Variants in CNTNAP5 observed in about 807,000 individuals in gnomAD.
CNTNAP5 encodes contactin-associated protein-like 5.
CNTNAP5 carries 72 observed loss-of-function variants against 150.2 expected under a neutral mutation model. That is an observed-to-expected ratio of 0.48 (90% CI 0.40 to 0.58). CNTNAP5 has a LOEUF of 0.58. Ranked by LOEUF, CNTNAP5 falls within the 20% of genes least tolerant of loss-of-function variation. CNTNAP5 has a pLI of 0.00. For missense variants in CNTNAP5, 1,636 were observed against 1,626.2 expected (o/e 1.01, Z -0.10); for synonymous variants, 672 against 619.8 (o/e 1.08, Z -1.25).
intron 19 of CNTNAP5, among the ~76,000 whole-genome samples, chr2:124,812,578 G>A (rs1467181322): frequency 2.6e-5 from 4 of 152,072 alleles, no homozygotes; most frequent in African/African-American, 9.7e-5. Flanking sequence ...TCTAAATCCA[G>A]CCACCTGGAG....
At chr2:124,557,733 G>T (rs1442737979) in intron 10 of CNTNAP5, among the ~76,000 whole-genome samples, 1 of 152,126 alleles carries the variant, frequency 6.6e-6, no homozygotes. Flanking sequence ...AAACAATGAG[G>T]AAGGTTTGCA....
At chr2:124,395,361 C>T (rs1305136223) in intron 3 of CNTNAP5, among the ~76,000 whole-genome samples, 1 of 152,118 alleles carries the variant, frequency 6.6e-6, no homozygotes, top group Non-Finnish European at 1.5e-5. Context: ...CCCGAGTCCA[C>T]TGCGGGCAAC....
At chr2:124,554,501 G>A (rs1031279001) in intron 10 of CNTNAP5, among the ~76,000 whole-genome samples, 2 of 149,160 alleles carry the variant, frequency 1.3e-5, no homozygotes, top group Non-Finnish European at 3.0e-5. Flanking sequence ...GCCCACTGCA[G>A]CCATAAATTC....
intron 6 of CNTNAP5, among the ~76,000 whole-genome samples, chr2:124,473,859 T>G (rs2030843375): frequency 6.6e-6 from 1 of 152,044 alleles, no homozygotes; most frequent in Admixed American, 6.6e-5. Context: ...AAAGGCAATT[T>G]GTGTTAATAC....
chr2:124,285,812 C>T (rs1688135890), intron 3 of CNTNAP5, among the ~76,000 whole-genome samples: 2 of 151,670 alleles, frequency 1.3e-5, no homozygotes, highest in Admixed American at 1.3e-4. Context: ...GAAAAACAAA[C>T]AAACAAACAA....
At chr2:124,859,843 G>T (rs1041782830) in intron 19 of CNTNAP5, among the ~76,000 whole-genome samples, 7 of 152,034 alleles carry the variant, frequency 4.6e-5, no homozygotes, top group Non-Finnish European at 8.8e-5. Flanking sequence ...CTCACTCATA[G>T]GTGGGAATTG....
intron 20 of CNTNAP5, among the ~76,000 whole-genome samples, chr2:124,868,024 C>T (rs1677668026): frequency 6.6e-6 from 1 of 152,174 alleles, no homozygotes. Flanking sequence ...CTCTCCTTCT[C>T]TTACATGCAG....
intron 3 of CNTNAP5, among the ~76,000 whole-genome samples, chr2:124,377,025 C>T (rs773002562): frequency 1.2e-4 from 18 of 151,940 alleles, no homozygotes; most frequent in Middle Eastern, 3.2e-3. Context: ...ATTTAGATTT[C>T]GTGGTATTAA....
At chr2:124,883,089 G>A (rs1365286373) in intron 21 of CNTNAP5, among the ~76,000 whole-genome samples, 2 of 93,230 alleles carry the variant, frequency 2.1e-5, no homozygotes. Flanking sequence ...TTTTTTTTTT[G>A]AGACTATCTC....
At chr2:124,378,368 C>T (rs1443888996) in intron 3 of CNTNAP5, among the ~76,000 whole-genome samples, 1 of 152,112 alleles carries the variant, frequency 6.6e-6, no homozygotes, top group Non-Finnish European at 1.5e-5. Context: ...CACTCTCTCT[C>T]TAACTCCCAC....
chr2:124,397,648 T>C (rs1691286984), intron 3 of CNTNAP5, among the ~76,000 whole-genome samples: 1 of 152,216 alleles, frequency 6.6e-6, no homozygotes, highest in South Asian at 2.1e-4. Context: ...TGTATGAGTG[T>C]TTAATATATA....
At chr2:124,625,253 A>G (rs1486659595) in intron 12 of CNTNAP5, among the ~76,000 whole-genome samples, 2 of 152,142 alleles carry the variant, frequency 1.3e-5, no homozygotes, top group Non-Finnish European at 2.9e-5. Context: ...CACTTTCCTC[A>G]TCTGTAATGT....
intron 8 of CNTNAP5, among the ~76,000 whole-genome samples, chr2:124,520,609 C>T (rs1185148936): frequency 1.3e-5 from 2 of 152,110 alleles, no homozygotes; most frequent in South Asian, 2.1e-4. Context: ...GTATGTTTGT[C>T]CTCATCTGTT....
intron 1 of CNTNAP5, among the ~76,000 whole-genome samples, chr2:124,192,826 A>G (rs1685490839): frequency 6.6e-6 from 1 of 151,920 alleles, no homozygotes; most frequent in African/African-American, 2.4e-5. Flanking sequence ...GTCTTGCTGT[A>G]TTTTTTTCTT....
chr2:124,030,074 C>G (rs1176536467), intron 1 of CNTNAP5, among the ~76,000 whole-genome samples: 1 of 152,046 alleles, frequency 6.6e-6, no homozygotes, highest in Non-Finnish European at 1.5e-5. Flanking sequence ...GTAGAGGTTA[C>G]TTAGTTACCC....
At chr2:124,383,210 T>C (rs533320475) in intron 3 of CNTNAP5, among the ~76,000 whole-genome samples, 41 of 152,300 alleles carry the variant, frequency 2.7e-4, no homozygotes, top group African/African-American at 9.9e-4. Flanking sequence ...CTCAGGTTTG[T>C]AGAGCTCCAG....
chr2:124,742,578 A>T (rs886264229), intron 13 of CNTNAP5, among the ~76,000 whole-genome samples: 11 of 151,984 alleles, frequency 7.2e-5, no homozygotes, highest in African/African-American at 2.7e-4. Flanking sequence ...ATACTTTCTT[A>T]GGAGGATTTA....
intron 2 of CNTNAP5, among the ~76,000 whole-genome samples, chr2:124,224,234 T>C (rs891541417): frequency 6.6e-6 from 1 of 152,142 alleles, no homozygotes; most frequent in Admixed American, 6.6e-5. Flanking sequence ...AAAATCCTTC[T>C]ATTAATAATT....
chr2:124,916,248 T>G lies in CNTNAP5; in HGVS notation c.*1960T>G, dbSNP rs1387823183. The stretch of plus-strand genomic sequence containing the variant: ...TTTGGCTAGTACATTTATTTTAAAG[T>G]GATTTTAACCATGATATCATTTCTC... On this transcript the variant is annotated 3_prime_UTR_variant, in exon 24 of 24. Coordinates refer to ENST00000682447, the MANE Select transcript of CNTNAP5 (RefSeq NM_001367498.1). Among the ~76,000 whole-genome samples the G allele has an allele frequency of 1.3e-5, 2 of 152,114 alleles. No homozygotes were observed. Among genetic ancestry groups the G allele is most frequent in the Non-Finnish European group, 2.9e-5 (2 of 67,994 alleles).
Sources: allele counts gnomAD v4.1 joint callset (sites outside exome capture counted in the v4.1 genomes callset), GRCh38; gene constraint gnomAD v4.1.1; transcripts MANE v1.5; gene names NCBI Gene and HGNC (gene_info 2026-07-23, HGNC 2026-07-21).